Variants in ATP2A3 observed in about 807,000 individuals in gnomAD.
ATP2A3 encodes the protein ATPase sarcoplasmic/endoplasmic reticulum Ca2+ transporting 3.
ATP2A3 carries 61 observed loss-of-function variants against 106.8 expected under a neutral mutation model. The ratio of observed to expected loss-of-function variants is 0.57; its 90% CI spans 0.46 to 0.71. ATP2A3 has a LOEUF of 0.71. Ranked by LOEUF, ATP2A3 falls within the 30% of genes least tolerant of loss-of-function variation. ATP2A3 has a pLI of 0.00. For synonymous variants in ATP2A3, 611 were observed against 609.3 expected (o/e 1.00, Z -0.04); for missense variants, 1,201 against 1,423.5 (o/e 0.84, Z 2.52).
At position 3,947,572 on chromosome 17, in the gene ATP2A3, G is replaced by A. The variant is rs1390885942; in HGVS notation, c.914C>T (p.Ala305Val). Reference sequence around the variant, plus strand: ...AGCCGGGAGGCCCTCGGGGATGGCCGCCACCGCCAGGGCCACGGCGATCTT... The same window carrying A: ...AGCCGGGAGGCCCTCGGGGATGGCCACCACCGCCAGGGCCACGGCGATCTT... ...YFKIAVALAV[A>V]AIPEGLPAVI... is the part of the protein sequence containing the mutation. Residue 305 changes from alanine to valine, a missense_variant, in exon 8 of 21, where the codon GCG becomes GTG. By Grantham distance (64) the Ala-to-Val change is moderately conservative. Coordinates refer to ENST00000397041, the MANE Select transcript of ATP2A3 (RefSeq NM_005173.4). This position sits in a 1 kb window ranked among gnomAD's most constrained non-coding sequence, Gnocchi z 7.7. The A allele has an allele frequency of 2.5e-6, 4 of 1,612,714 alleles. No individual in the cohort carries two copies. Among genetic ancestry groups the A allele is most frequent in the Non-Finnish European group, 2.5e-6 (3 of 1,179,910 alleles).
rs1346080736 is a variant in ATP2A3 at position 3,929,390 on chromosome 17, G to A, written c.2800C>T (p.Leu934=). The A allele has an allele frequency of 1.3e-6, 2 of 1,583,834 alleles. No homozygotes were observed. The highest frequency in any genetic ancestry group is 1.2e-5 in the South Asian group (1 of 86,864). The change falls in exon 19 of 21, where the codon CTG becomes TTG. Residue 934 remains leucine, a synonymous_variant. Transcript: ENST00000397041. This position sits in a 1 kb window ranked among gnomAD's most constrained non-coding sequence, Gnocchi z 4.3. ...GCCATGGACATGGCCACAGCCACCA[G>A]CAGCCAGGGGTTCATCCAGGGCGGC... is the stretch of plus-strand genomic sequence containing the variant. ...RMPPWMNPWL[L]VAVAMSMALH... is the part of the protein sequence containing the mutation.
At chr17:3,934,797 A>G (rs990378497) in intron 17 of ATP2A3, 6 of 221,392 alleles carry the variant, frequency 2.7e-5, no homozygotes, top group South Asian at 1.9e-4. Flanking sequence ...TGCTGGGATT[A>G]CAGGCGTGAA....
In ATP2A3 at chr17:3,953,843, C is replaced by T; in HGVS notation, c.119-133G>A. The T allele has an allele frequency of 5.1e-6, 5 of 975,270 alleles. No homozygotes were observed. Among genetic ancestry groups the T allele is most frequent in the Non-Finnish European group, 8.0e-6 (5 of 624,830 alleles). 60.4% of individuals were successfully genotyped at this position (975,270 alleles called of 1,614,324 possible). On this transcript the variant is annotated intron_variant, in intron 1 of 20. Coordinates refer to ENST00000397041, the MANE Select transcript of ATP2A3 (RefSeq NM_005173.4). This position sits in a 1 kb window ranked among gnomAD's most constrained non-coding sequence, Gnocchi z 5.1. The stretch of plus-strand genomic sequence containing the variant: ...CCCCCACCACGGACTGGATGTATCC[C>T]CAGGGCTCTCTGAGGCCACAGGATA...
intron 7 of ATP2A3, among the ~76,000 whole-genome samples, chr17:3,948,650 C>T (rs950580566): frequency 4.6e-5 from 7 of 152,182 alleles, no homozygotes; most frequent in Non-Finnish European, 1.0e-4. Flanking sequence ...AACTCCTGAG[C>T]TCAAATGATC....
intron 17 of ATP2A3, among the ~76,000 whole-genome samples, chr17:3,933,955 G>T (rs2053271657): frequency 2.7e-5 from 4 of 150,406 alleles, no homozygotes; most frequent in Admixed American, 2.0e-4. Flanking sequence ...ACTGCGTCTT[G>T]CTCTGTCTCC....
At chr17:3,962,264 T>C (rs918248442) in intron 1 of ATP2A3, among the ~76,000 whole-genome samples, 1 of 152,300 alleles carries the variant, frequency 6.6e-6, no homozygotes, top group Admixed American at 6.5e-5. Context: ...CTCCACCACC[T>C]ACTATGTGAC....
chr17:3,936,221 TCTTAGGAAG>T lies in ATP2A3; in HGVS notation c.2524+37_2524+45del, dbSNP rs767946662. The T allele has an allele frequency of 6.2e-7, 1 of 1,608,980 alleles. No homozygotes were observed. Among genetic ancestry groups the T allele is most frequent in the South Asian group, 1.1e-5 (1 of 90,972 alleles). On this transcript the variant is annotated intron_variant, in intron 16 of 20. Transcript: ENST00000397041. The surrounding 1 kb of genome is among the most constrained non-coding windows in gnomAD (Gnocchi z 5.4). ...GCAGCTTGCAAGCCTGATACAAGGC[TCTTAGGAAG>T]CTTAGGAATTCCACGGAGGGCTCAG... is the stretch of plus-strand genomic sequence containing the variant.
intron 1 of ATP2A3, among the ~76,000 whole-genome samples, chr17:3,956,331 C>A (rs2054777918): frequency 6.6e-6 from 1 of 152,150 alleles, no homozygotes; most frequent in African/African-American, 2.4e-5. Context: ...AGTAGGAGGG[C>A]ACTTCCCGGC....
At chr17:3,956,457 G>A (rs759498933) in intron 1 of ATP2A3, among the ~76,000 whole-genome samples, 27 of 152,216 alleles carry the variant, frequency 1.8e-4, no homozygotes, top group Non-Finnish European at 3.7e-4. Context: ...GAGAGCAGAA[G>A]TATCCTCCGT....
In ATP2A3 at chr17:3,936,403, G is replaced by A; in HGVS notation, c.2388C>T (p.Asn796=). Residue 796 remains asparagine, a synonymous_variant, in exon 16 of 21, where the codon AAC becomes AAT. Transcript: ENST00000397041. This position sits in a 1 kb window ranked among gnomAD's most constrained non-coding sequence, Gnocchi z 5.4. ...TGGCAGGTAGGCCGTCTGTCACCAG[G>A]TTCACCCAGAGCAGCTGCACAGGGA... ...ALIPVQLLWV[N]LVTDGLPATA... The A allele has an allele frequency of 6.2e-7, 1 of 1,614,068 alleles. No individual in the cohort carries two copies. Among genetic ancestry groups the A allele is most frequent in the South Asian group, 1.1e-5 (1 of 91,072 alleles).
intron 1 of ATP2A3, among the ~76,000 whole-genome samples, chr17:3,958,969 G>A (rs866533290): frequency 6.6e-6 from 1 of 150,504 alleles, no homozygotes; most frequent in South Asian, 2.1e-4. Flanking sequence ...TTGGTTCACT[G>A]CAACCTCTGC....
chr17:3,964,307 G>T lies in ATP2A3; in HGVS notation c.-16C>A. On this transcript the variant is annotated 5_prime_UTR_variant, in exon 1 of 21. Coordinates refer to ENST00000397041, the MANE Select transcript of ATP2A3 (RefSeq NM_005173.4). ...CCGCCTCCATGCCGCCCGCCCGGCC[G>T]TCTGCGCCGTCCGCACCGTCGAGGC... 3 of 1,225,680 alleles carry T rather than the reference G, an allele frequency of 2.4e-6. No individual in the cohort carries two copies. Among genetic ancestry groups the T allele is most frequent in the Non-Finnish European group, 3.1e-6 (3 of 969,020 alleles). The allele number at this position is 1,225,680 out of a possible 1,614,324, so 75.9% of individuals were successfully genotyped here. A position where few individuals can be genotyped will look rare whatever the true frequency, so the allele number is the denominator to read the frequency against.
intron 14 of ATP2A3, among the ~76,000 whole-genome samples, chr17:3,939,012 A>G (rs940607673): frequency 1.3e-5 from 2 of 152,116 alleles, no homozygotes; most frequent in East Asian, 3.9e-4. Context: ...ACAAAAAATT[A>G]AAAAATTAGC....
At chr17:3,938,415 CAG>C (rs1386608988) in intron 14 of ATP2A3, among the ~76,000 whole-genome samples, 1 of 151,750 alleles carries the variant, frequency 6.6e-6, no homozygotes, top group African/African-American at 2.4e-5. Context: ...GCCTGGGCAA[CAG>C]AGTGAGACTC....
At chr17:3,943,941 A>T (rs2053933957) in intron 10 of ATP2A3, among the ~76,000 whole-genome samples, 1 of 151,742 alleles carries the variant, frequency 6.6e-6, no homozygotes, top group Non-Finnish European at 1.5e-5. Flanking sequence ...TGTATTTGCC[A>T]CTCCGGCGAC....
chr17:3,950,464 G>T (rs768946517), intron 7 of ATP2A3, 47 bp downstream of exon 7: 2 of 1,587,282 alleles, frequency 1.3e-6, no homozygotes, highest in Non-Finnish European at 1.7e-6. Context: ...TCCTAATGTT[G>T]TTATTTTTAT....
intron 8 of ATP2A3, among the ~76,000 whole-genome samples, chr17:3,946,242 CAAAAAA>C (rs35377738): frequency 9.2e-6 from 1 of 109,288 alleles, no homozygotes; most frequent in Non-Finnish European, 1.9e-5. Context: ...GACTCCATCT[CAAAAAA>C]AAAAAAAAAA....
chr17:3,935,081 G>A lies in ATP2A3; in HGVS notation c.2610+111C>T. ...GTGGGGATGTTTATTCGTGTATAGC[G>A]AGTGGGGAAGGACACTGCAGGCCAC... On this transcript the variant is annotated intron_variant, in intron 17 of 20. Coordinates refer to ENST00000397041, the MANE Select transcript of ATP2A3 (RefSeq NM_005173.4). The A allele has an allele frequency of 5.4e-6, 6 of 1,112,484 alleles. No individual in the cohort carries two copies. In the Admixed American group the frequency reaches 7.4e-5, roughly 14 times the overall value. 68.9% of individuals were successfully genotyped at this position (1,112,484 alleles called of 1,614,324 possible).
rs1319228473 is a variant in ATP2A3, at chr17:3,929,321, G to A, written c.2862+7C>T. On this transcript the variant is annotated splice_region_variant and intron_variant, in intron 19 of 20. Coordinates refer to ENST00000397041, the MANE Select transcript of ATP2A3 (RefSeq NM_005173.4). The surrounding 1 kb of genome is among the most constrained non-coding windows in gnomAD (Gnocchi z 4.3). ...ACCAGGGCAGTGGGGCAGGCGGGGTGACTCACAGGCAGGGGCGGCACGAGC... is the reference window on the plus strand; with the variant it reads ...ACCAGGGCAGTGGGGCAGGCGGGGTAACTCACAGGCAGGGGCGGCACGAGC... The A allele has an allele frequency of 6.5e-7, 1 of 1,548,968 alleles. No homozygotes were observed. The highest frequency in any genetic ancestry group is 8.7e-7 in the Non-Finnish European group (1 of 1,145,816).
Sources: gnomAD v4.1 joint callset for allele counts (sites outside exome capture counted in the v4.1 genomes callset) on GRCh38, gnomAD v4.1.1 for gene constraint, Gnocchi (gnomAD v3.1) non-coding constraint, MANE v1.5 for transcripts, NCBI Gene and HGNC (gene_info 2026-07-23, HGNC 2026-07-21) for gene names.